PIK3C2A: variants seen among roughly 807,000 people sequenced by gnomAD.
PIK3C2A encodes the protein phosphatidylinositol 4-phosphate 3-kinase C2 domain-containing subunit alpha.
In PIK3C2A, 97 loss-of-function variants were observed where a neutral mutation model predicts 204.5. The observed-to-expected ratio is 0.47, with a 90% CI of 0.40 to 0.56. The LOEUF (loss-of-function observed/expected upper bound fraction) is 0.56, where lower values mean the gene tolerates loss of function less well. PIK3C2A is among the 20% of genes least tolerant of loss of function. The probability of loss-of-function intolerance (pLI) is 0.00; values close to 1 mark genes in which losing one functional copy is unlikely to be tolerated. For missense variants in PIK3C2A, 1,735 were observed against 1,969.2 expected (o/e 0.88, Z 2.25); for synonymous variants, 653 against 664.4 (o/e 0.98, Z 0.26).
intron 27 of PIK3C2A, among the ~76,000 whole-genome samples, chr11:17,095,368 T>C (rs1487094805): frequency 7.0e-6 from 1 of 143,198 alleles, no homozygotes; most frequent in Non-Finnish European, 1.5e-5. Context: ...AAGGTCAGGA[T>C]ATTGAGACCA....
At chr11:17,111,883 AAAAAAAAAAAAAAAAAAATTC>A (rs1849013783) in intron 21 of PIK3C2A, among the ~76,000 whole-genome samples, 1 of 141,692 alleles carries the variant, frequency 7.1e-6, no homozygotes, top group African/African-American at 2.6e-5. Flanking sequence ...TCTCCAAAAC[AAAAAAAAAAAAAAAAAAATTC>A]AAAAAAAAAA....
rs1565252733 is a variant in PIK3C2A, at chr11:17,117,607, G to C, written c.3100C>G (p.Leu1034Val). ...AGTCGTTTTCCTCCTACTGACAGGA[G>C]AGCACCCAAAACATGTTCGTATCGG... is the stretch of plus-strand genomic sequence containing the variant. ...STRYEHVLGA[L>V]LSVGGKRLRE... Residue 1034 changes from leucine to valine, a missense_variant, in exon 19 of 33, where the codon CTC becomes GTC. Physicochemically the swap from Leu to Val is conservative, Grantham distance 32. Around this residue, in one of 6 missense-constraint regions of PIK3C2A, gnomAD observed 567 missense variants for 576.0 expected, o/e 0.98. Transcript: ENST00000691414. The C allele has an allele frequency of 6.2e-7, 1 of 1,612,368 alleles. No homozygotes were observed. The highest frequency in any genetic ancestry group is 1.3e-5 in the African/African-American group (1 of 74,746).
rs567930214 is a variant in PIK3C2A, at chr11:17,106,038, G to A, written c.3545-733C>T. 7.6e-4 allele frequency among the ~76,000 whole-genome samples: 116 copies of A among 152,140 alleles called. 2 individuals carry two copies. Among genetic ancestry groups the A allele is most frequent in the Non-Finnish European group, 1.4e-3 (96 of 68,014 alleles). On this transcript the variant is annotated intron_variant, in intron 22 of 32. Transcript: ENST00000691414. ...GCAGGAGAATCCCTTGAACCCAGGA[G>A]GCAGAGGTTGCAGTGAGCCAAGATA...
At chr11:17,165,991 A>C (rs1268355160) in intron 2 of PIK3C2A, among the ~76,000 whole-genome samples, 3 of 152,140 alleles carry the variant, frequency 2.0e-5, no homozygotes, top group Non-Finnish European at 4.4e-5. Context: ...ACATATAGCC[A>C]ATCTTGTTTC....
intron 11 of PIK3C2A, among the ~76,000 whole-genome samples, 192 bp downstream of exon 11, chr11:17,134,627 C>T (rs777879288): frequency 1.2e-4 from 18 of 152,190 alleles, no homozygotes; most frequent in Non-Finnish European, 2.1e-4. Context: ...TCCCAAAGTG[C>T]TGGGATTACA....
rs551819420 is a variant in PIK3C2A, at chr11:17,110,617, T to G, written c.3415-56A>C. 70 of 1,511,912 alleles carry G rather than the reference T, an allele frequency of 4.6e-5. No individual in the cohort carries two copies. In the South Asian group the frequency reaches 8.3e-4, roughly 18 times the overall value. The allele number at this position is 1,511,912 out of a possible 1,614,324, so 93.7% of individuals were successfully genotyped here. A position where few individuals can be genotyped will look rare whatever the true frequency, so the allele number is the denominator to read the frequency against. On this transcript the variant is annotated intron_variant, in intron 21 of 32. Coordinates refer to ENST00000691414, the MANE Select transcript of PIK3C2A (RefSeq NM_002645.4). ...TACATCTCCAAAAGACTTAACAGATTACATACTATGAAAGCTGTAATCCCA... is the reference window on the plus strand; with the variant it reads ...TACATCTCCAAAAGACTTAACAGATGACATACTATGAAAGCTGTAATCCCA...
chr11:17,187,122 T>A (rs1432876434), intron 1 of PIK3C2A, among the ~76,000 whole-genome samples: 7 of 152,088 alleles, frequency 4.6e-5, no homozygotes, highest in Non-Finnish European at 1.0e-4. Flanking sequence ...GTTATCTAAG[T>A]GTACAGCTGA....
In PIK3C2A at chr11:17,145,906, G is replaced by T. The variant is rs766494656; in HGVS notation, c.1597C>A (p.His533Asn). 6.2e-7 allele frequency: 1 copy of T among 1,613,512 alleles called. No individual in the cohort carries two copies. The highest frequency in any genetic ancestry group is 8.5e-7 in the Non-Finnish European group (1 of 1,179,820). Residue 533 changes from histidine (H) to asparagine (N), a missense_variant, in exon 7 of 33, where the codon CAC becomes AAC. By Grantham distance (68) the His-to-Asn change is moderately conservative. Transcript: ENST00000691414. The stretch of plus-strand genomic sequence containing the variant: ...CAAGGTTTTTCTATTTGATACAGGT[G>T]TTTGTTTAAATCCACGGGTGTTTCA... ...DDETPVDLNKHLYQIEKPCKE... is the reference protein window; with the variant it reads ...DDETPVDLNKNLYQIEKPCKE...
chr11:17,200,015 AAAAAATAC>A (rs1852311222), intron 1 of PIK3C2A, among the ~76,000 whole-genome samples: 1 of 151,660 alleles, frequency 6.6e-6, no homozygotes, highest in Admixed American at 6.6e-5. Flanking sequence ...TAAAAAATAC[AAAAAATAC>A]AAAAATACAA....
chr11:17,102,014 C>CTGTTTG (rs1000554739), intron 24 of PIK3C2A, among the ~76,000 whole-genome samples: 1 of 152,210 alleles, frequency 6.6e-6, no homozygotes, highest in African/African-American at 2.4e-5. Context: ...TATAAATCCA[C>CTGTTTG]ATACCCAAAG....
rs1029392375 is a variant in PIK3C2A at position 17,165,566 on chromosome 11, G to A, written c.1065+3111C>T. Among the ~76,000 whole-genome samples the A allele has an allele frequency of 2.6e-5, 4 of 151,716 alleles. No individual in the cohort carries two copies. The East Asian group carries it at 7.8e-4, about 30-fold the overall frequency. ...TGAGGCAGGCAGATCACCTGAGGTC[G>A]GGAGTTTGAGACCAATCTGACCAAC... On this transcript the variant is annotated intron_variant, in intron 2 of 32. Coordinates refer to ENST00000691414, the MANE Select transcript of PIK3C2A (RefSeq NM_002645.4).
At chr11:17,164,321 C>T (rs1163085331) in intron 2 of PIK3C2A, among the ~76,000 whole-genome samples, 1 of 150,042 alleles carries the variant, frequency 6.7e-6, no homozygotes, top group Non-Finnish European at 1.5e-5. Context: ...TGCTGCACTC[C>T]ACCCTAGGTA....
intron 21 of PIK3C2A, among the ~76,000 whole-genome samples, chr11:17,111,796 G>C (rs1211056654): frequency 1.4e-5 from 2 of 144,198 alleles, no homozygotes; most frequent in Non-Finnish European, 3.0e-5. Flanking sequence ...AGAACTGCAT[G>C]AACTAGGGAG....
chr11:17,089,665 GTC>G lies in PIK3C2A; in HGVS notation c.*71_*72del, dbSNP rs910438647. ...AAAATTAACAAGTGTGTGTGTGTGTGTCTGTGTGTGTGTGCATGTATGCATGC... is the reference window on the plus strand; with the variant it reads ...AAAATTAACAAGTGTGTGTGTGTGTGTGTGTGTGTGTGCATGTATGCATGC... On this transcript the variant is annotated 3_prime_UTR_variant, in exon 33 of 33. Coordinates refer to ENST00000691414, the MANE Select transcript of PIK3C2A (RefSeq NM_002645.4). The G allele has an allele frequency of 1.9e-5, 16 of 829,672 alleles. No homozygotes were observed. Among genetic ancestry groups the G allele is most frequent in the South Asian group, 1.6e-4 (9 of 58,056 alleles). The allele number at this position is 829,672 out of a possible 1,614,324, so 51.4% of individuals were successfully genotyped here. A position where few individuals can be genotyped will look rare whatever the true frequency, so the allele number is the denominator to read the frequency against.
chr11:17,091,516 T>C, intron 31 of PIK3C2A, 31 bp downstream of exon 31: 5 of 1,608,992 alleles, frequency 3.1e-6, no homozygotes, highest in African/African-American at 1.3e-5. Flanking sequence ...AAGGGTTTCC[T>C]CTACAACCAT....
intron 23 of PIK3C2A, 69 bp downstream of exon 23, chr11:17,105,100 G>T: frequency 1.6e-6 from 2 of 1,254,232 alleles, no homozygotes; most frequent in Non-Finnish European, 2.3e-6. Flanking sequence ...GCTGGAAAAT[G>T]AAAGAACTTA....
At position 17,173,117 on chromosome 11, in the gene PIK3C2A, C is replaced by G. The variant is rs142202291; in HGVS notation, c.-65-3311G>C. On this transcript the variant is annotated intron_variant, in intron 1 of 32. Transcript: ENST00000691414. ...TCAGAATTCATCTTTTTAGATCAAC[C>G]AAAACATTTTTATCACAGCTTTCTC... Among the ~76,000 whole-genome samples the G allele has an allele frequency of 5.3e-5, 8 of 152,278 alleles. No individual in the cohort carries two copies. The East Asian group carries it at 1.5e-3, about 29-fold the overall frequency.
At chr11:17,153,866 T>C (rs1308796457) in intron 3 of PIK3C2A, among the ~76,000 whole-genome samples, 1 of 152,088 alleles carries the variant, frequency 6.6e-6, no homozygotes, top group Non-Finnish European at 1.5e-5. Context: ...ATGAGCACAA[T>C]GGAAAAAACA....
chr11:17,124,165 C>T lies in PIK3C2A; in HGVS notation c.2400-1352G>A, dbSNP rs187733011. ...TACAGGTGTGAGCCACCACACCGGGCTATAGTCTGTTATGTCTAAGAACCA... is the reference window on the plus strand; with the variant it reads ...TACAGGTGTGAGCCACCACACCGGGTTATAGTCTGTTATGTCTAAGAACCA... On this transcript the variant is annotated intron_variant, in intron 13 of 32. Coordinates refer to ENST00000691414, the MANE Select transcript of PIK3C2A (RefSeq NM_002645.4). 2.0e-5 allele frequency among the ~76,000 whole-genome samples: 3 copies of T among 152,176 alleles called. No homozygotes were observed. The East Asian group carries it at 5.8e-4, about 29-fold the overall frequency.
Sources: allele counts gnomAD v4.1 joint callset (sites outside exome capture counted in the v4.1 genomes callset), GRCh38; gene constraint gnomAD v4.1.1; regional missense constraint gnomAD v4.1.1; transcripts MANE v1.5; gene names NCBI Gene and HGNC (gene_info 2026-07-23, HGNC 2026-07-21).